Variants in USP9Y observed in about 807,000 individuals in gnomAD.
USP9Y encodes ubiquitin specific peptidase 9 Y-linked, also known as ubiquitin carboxyl-terminal hydrolase 9Y.
In USP9Y, 41 loss-of-function variants were observed where a neutral mutation model predicts 53.1. The observed-to-expected ratio is 0.77, with a 90% CI of 0.60 to 1.00. The LOEUF (loss-of-function observed/expected upper bound fraction) is 1.00, where lower values mean the gene tolerates loss of function less well. Ranked by LOEUF, USP9Y falls within the 50% of genes least tolerant of loss-of-function variation. The pLI is 0.00. For missense variants in USP9Y, 567 were observed against 535.8 expected (o/e 1.06, Z -0.58); for synonymous variants, 220 against 173.7 (o/e 1.27, Z -2.09).
At position 12,771,147 on chromosome Y, in the gene USP9Y, C is replaced by G. The variant is rs1359954981; in HGVS notation, c.1980C>G (p.Asn660Lys). Reference sequence around the variant, plus strand: ...TTCAAGAAGTTCAAGAACGACTAAACTTCCTTAGGTTTGTTTTAAACCATC... The same window carrying G: ...TTCAAGAAGTTCAAGAACGACTAAAGTTCCTTAGGTTTGTTTTAAACCATC... Reference protein sequence around the residue: ...SHVQEVQERLNFLRFLLKDGQ... With the variant: ...SHVQEVQERLKFLRFLLKDGQ... Residue 660 changes from asparagine to lysine, a missense_variant, in exon 16 of 46, where the codon AAC becomes AAG. Transcript: ENST00000338981. 2.6e-6 allele frequency: 1 copy of G among 388,407 alleles called. No homozygotes were observed. Among genetic ancestry groups the G allele is most frequent in the Non-Finnish European group, 3.6e-6 (1 of 274,905 alleles).
chrY:12,818,277 T>C, intron 32 of USP9Y, 143 bp from the exon 33 acceptor site: 1 of 154,798 alleles, frequency 6.5e-6, no homozygotes, highest in Non-Finnish European at 1.2e-5. Flanking sequence ...TGAGCACTAA[T>C]ATTAAAAATT....
chrY:12,775,616 T>G, intron 18 of USP9Y, 50 bp downstream of exon 18: 1 of 248,459 alleles, frequency 4.0e-6, no homozygotes, highest in Non-Finnish European at 6.5e-6. Context: ...GTTAAGTTGT[T>G]GGGTAGTATC....
chrY:12,723,670 G>T (rs1569387212), intron 5 of USP9Y, among the ~76,000 whole-genome samples: 1 of 32,868 alleles, frequency 3.0e-5, no homozygotes, highest in East Asian at 7.9e-4. Context: ...TTACAGGCGT[G>T]AGCCAGCGCC....
intron 25 of USP9Y, 53 bp downstream of exon 25, chrY:12,790,585 C>T (rs2053506954): frequency 8.7e-6 from 3 of 346,675 alleles, no homozygotes; most frequent in African/African-American, 1.4e-4. Context: ...CTACTTAACA[C>T]GTAAATAAAT....
At chrY:12,791,012 G>T in intron 25 of USP9Y, among the ~76,000 whole-genome samples, 1 of 33,354 alleles carries the variant, frequency 3.0e-5, no homozygotes, top group Admixed American at 2.7e-4. Flanking sequence ...AATAGTCCAT[G>T]TATGGTTACT....
chrY:12,790,479 G>T lies in USP9Y; in HGVS notation c.3634G>T (p.Glu1212Ter). 2.5e-6 allele frequency: 1 copy of T among 395,291 alleles called. No homozygotes were observed. The highest frequency in any genetic ancestry group is 3.6e-6 in the Non-Finnish European group (1 of 280,669). The stretch of plus-strand genomic sequence containing the variant: ...TCAGAGCATTCCTAATCCCTCATCC[G>T]AGTGCGTACTTAGAAATGAGTCCAT... Reference protein sequence around the residue: ...ALQSIPNPSSECVLRNESILL... With the variant: ...ALQSIPNPSS Residue 1212 changes from glutamate to a stop codon, truncating the protein, a stop_gained, in exon 25 of 46, where the codon GAG (glutamate) becomes TAG (stop). Coordinates refer to ENST00000338981, the MANE Select transcript of USP9Y (RefSeq NM_004654.4). LOFTEE classifies it high-confidence loss of function.
intron 34 of USP9Y, among the ~76,000 whole-genome samples, chrY:12,834,841 G>A (rs2053553933): frequency 9.0e-5 from 3 of 33,448 alleles, no homozygotes; most frequent in Admixed American, 5.5e-4. Context: ...AAACATCTCC[G>A]AAGGAAGTAA....
intron 15 of USP9Y, among the ~76,000 whole-genome samples, chrY:12,767,606 CTGTG>C (rs199662654): frequency 9.4e-3 from 249 of 26,619 alleles, no homozygotes; most frequent in South Asian, 0.053. Flanking sequence ...GTGTGTGTAT[CTGTG>C]TGTGTGTGTG....
intron 33 of USP9Y, among the ~76,000 whole-genome samples, chrY:12,825,829 G>A (rs776367563): frequency 6.0e-5 from 2 of 33,503 alleles, no homozygotes; most frequent in Non-Finnish European, 1.5e-4. Flanking sequence ...AATAACTGAT[G>A]CAAGAAAGAT....
At chrY:12,793,293 G>A in intron 27 of USP9Y, 92 bp downstream of exon 27, 1 of 257,093 alleles carries the variant, frequency 3.9e-6, no homozygotes, top group Non-Finnish European at 6.3e-6. Context: ...TTTTCCAGAA[G>A]TGAAGGAAGG....
chrY:12,839,236 A>G (rs964658950), intron 35 of USP9Y, among the ~76,000 whole-genome samples: 4 of 33,585 alleles, frequency 1.2e-4, no homozygotes, highest in Non-Finnish European at 2.9e-4. Context: ...CATTAGCATA[A>G]AAGAAAACAT....
At chrY:12,755,288 C>T in intron 12 of USP9Y, among the ~76,000 whole-genome samples, 2 of 30,187 alleles carry the variant, frequency 6.6e-5, no homozygotes, top group African/African-American at 2.7e-4. Flanking sequence ...CCTCAGCCTA[C>T]GAAGCAGCTG....
At chrY:12,718,857 C>T in intron 3 of USP9Y, among the ~76,000 whole-genome samples, 1 of 33,862 alleles carries the variant, frequency 3.0e-5, no homozygotes, top group Non-Finnish European at 7.3e-5. Context: ...AGTATTCTTC[C>T]ATATTGTTAC....
chrY:12,761,879 T>C, intron 15 of USP9Y, among the ~76,000 whole-genome samples: 5 of 33,931 alleles, frequency 1.5e-4, no homozygotes. Context: ...TGCTTCCTTT[T>C]AAAGTCACAT....
At chrY:12,809,990 C>A (rs763619064) in intron 27 of USP9Y, among the ~76,000 whole-genome samples, 189 bp from the exon 28 acceptor site, 8 of 33,422 alleles carry the variant, frequency 2.4e-4, no homozygotes, top group Admixed American at 1.9e-3. Context: ...TCCTAGCCTA[C>A]TAGGTAACAA....
intron 24 of USP9Y, among the ~76,000 whole-genome samples, chrY:12,790,062 C>T: frequency 6.0e-5 from 2 of 33,238 alleles, no homozygotes; most frequent in African/African-American, 1.2e-4. Context: ...TTTGTTAATT[C>T]GTTTGTTGAT....
At chrY:12,815,883 C>T (rs2053535770) in intron 31 of USP9Y, among the ~76,000 whole-genome samples, 1 of 34,631 alleles carries the variant, frequency 2.9e-5, no homozygotes, top group East Asian at 7.5e-4. Flanking sequence ...GCCAATATTA[C>T]ATCATCTTAT....
At chrY:12,820,856 GTA>G (rs2053541173) in intron 33 of USP9Y, among the ~76,000 whole-genome samples, 1 of 33,215 alleles carries the variant, frequency 3.0e-5, no homozygotes, top group Non-Finnish European at 7.4e-5. Context: ...TTTATAATCT[GTA>G]TTTAAATGTA....
At chrY:12,769,126 A>G (rs868467600) in intron 15 of USP9Y, among the ~76,000 whole-genome samples, 5 of 33,687 alleles carry the variant, frequency 1.5e-4, no homozygotes, top group Admixed American at 2.7e-4. Flanking sequence ...CAGATGTTTC[A>G]GTATCAGTGG....
Sources: allele counts gnomAD v4.1 joint callset (sites outside exome capture counted in the v4.1 genomes callset), GRCh38; gene constraint gnomAD v4.1.1; transcripts MANE v1.5; gene names NCBI Gene and HGNC (gene_info 2026-07-23, HGNC 2026-07-21).